USP36: variants seen among roughly 807,000 people sequenced by gnomAD.
USP36 encodes the protein ubiquitin specific peptidase 36, also known as ubiquitin carboxyl-terminal hydrolase 36.
In USP36, 59 loss-of-function variants were observed where a neutral mutation model predicts 111.5. The ratio of observed to expected loss-of-function variants is 0.53; its 90% confidence interval spans 0.43 to 0.66. USP36 has a LOEUF of 0.66. USP36 is among the 30% of genes least tolerant of loss of function. The pLI, the probability that USP36 is intolerant of heterozygous loss-of-function variation, is 0.00. For missense variants in USP36, 1,488 were observed against 1,468.0 expected (o/e 1.01, Z -0.22); for synonymous variants, 628 against 581.0 (o/e 1.08, Z -1.16).
downstream of USP36, among the ~76,000 whole-genome samples, chr17:78,792,877 A>G (rs2093594870): frequency 2.0e-5 from 3 of 152,052 alleles, no homozygotes; most frequent in African/African-American, 7.2e-5. Flanking sequence ...GGCCAAGCCC[A>G]GCTAATTTTT....
At chr17:78,818,571 A>AGCAGCTATCAAACTC (rs2094242246) in intron 10 of USP36, 96 bp downstream of exon 10, 1 of 1,040,574 alleles carries the variant, frequency 9.6e-7, no homozygotes, top group South Asian at 1.3e-5. Context: ...CTGTGTAAAC[A>AGCAGCTATCAAACTC]GCAGCTATCA....
chr17:78,816,128 T>C (rs2094182335), intron 10 of USP36, among the ~76,000 whole-genome samples: 1 of 152,078 alleles, frequency 6.6e-6, no homozygotes, highest in African/African-American at 2.4e-5. Context: ...TACAGACGTG[T>C]GTTTAGGAAC....
Position 78,830,509 on chromosome 17 carries a change from A to G in USP36, c.476-1502T>C, listed in dbSNP as rs552262357. ...TGAGCACATGGGTCAGTTTCTCTAA[A>G]GTACACGCTCAGAAGACAAATTTCT... On this transcript the variant is annotated intron_variant, in intron 4 of 20. Transcript: ENST00000449938. Among the ~76,000 whole-genome samples the G allele has an allele frequency of 5.2e-4, 79 of 152,342 alleles. 1 individual carries two copies. The highest frequency in any genetic ancestry group is 9.8e-4 in the Non-Finnish European group (67 of 68,028).
chr17:78,838,501 C>T (rs2068926849), intron 2 of USP36, 86 bp downstream of exon 2: 1 of 137,314 alleles, frequency 7.3e-6, no homozygotes, highest in African/African-American at 3.6e-5. Context: ...TTATCAAAGA[C>T]TTCTCACCAA....
chr17:78,835,141 T>C (rs1173539617), intron 4 of USP36, 139 bp downstream of exon 4: 1 of 877,024 alleles, frequency 1.1e-6, no homozygotes, highest in Non-Finnish European at 1.7e-6. Flanking sequence ...TGATTCAAAT[T>C]TAGGTTTCAT....
At chr17:78,813,634 G>A in intron 12 of USP36, 139 bp downstream of exon 12, 1 of 722,756 alleles carries the variant, frequency 1.4e-6, no homozygotes, top group Non-Finnish European at 2.3e-6. Flanking sequence ...CTTCCCTGTG[G>A]ACGGTCTCTA....
At chr17:78,833,439 G>A (rs2068339684) in intron 4 of USP36, among the ~76,000 whole-genome samples, 1 of 152,002 alleles carries the variant, frequency 6.6e-6, no homozygotes, top group Non-Finnish European at 1.5e-5. Context: ...GAGCCACCGT[G>A]CCCAGCCAGT....
At chr17:78,799,566 G>T in intron 18 of USP36, 101 bp downstream of exon 18, 2 of 1,070,228 alleles carry the variant, frequency 1.9e-6, no homozygotes, top group Non-Finnish European at 2.8e-6. Context: ...AGCGATGCCC[G>T]CCCGCCACAC....
chr17:78,818,743 G>T lies in USP36; in HGVS notation c.947C>A (p.Thr316Asn), dbSNP rs367589918. Residue 316 changes from threonine (T) to asparagine (N), a missense_variant, in exon 10 of 21, where the codon ACC becomes AAC. This residue lies in a region of USP36 where 196 missense variants were observed against 264.4 expected (regional missense o/e 0.74). Coordinates refer to ENST00000449938, the MANE Select transcript of USP36 (RefSeq NM_001385174.1). Reference sequence around the variant, plus strand: ...TAAGACGTTGGATGTTCTGTGGATGGTGAAGCGCTTGCTGGCTGGAACCTT... The same window carrying T: ...TAAGACGTTGGATGTTCTGTGGATGTTGAAGCGCTTGCTGGCTGGAACCTT... ...KKKVPASKRFTIHRTSNVLTL... is the reference protein window; with the variant it reads ...KKKVPASKRFNIHRTSNVLTL... 134 of 1,613,972 alleles carry T rather than the reference G, an allele frequency of 8.3e-5. No individual in the cohort carries two copies. The highest frequency in any genetic ancestry group is 2.8e-4 in the Admixed American group (17 of 60,004).
At chr17:78,837,510 G>T (rs1227274236) in intron 2 of USP36, among the ~76,000 whole-genome samples, 1 of 152,052 alleles carries the variant, frequency 6.6e-6, no homozygotes, top group African/African-American at 2.4e-5. Context: ...GTGCTTTAGA[G>T]CTTGCTACAT....
intron 6 of USP36, 102 bp from the exon 7 acceptor site, chr17:78,822,106 T>C (rs1395415786): frequency 2.2e-6 from 3 of 1,394,534 alleles, no homozygotes; most frequent in African/African-American, 2.9e-5. Flanking sequence ...AAGCTCAGCG[T>C]GAGGCTGGGA....
intron 10 of USP36, among the ~76,000 whole-genome samples, chr17:78,817,752 GAGAAAAA>G (rs1284185177): frequency 1.3e-4 from 19 of 149,926 alleles, no homozygotes; most frequent in Non-Finnish European, 2.7e-4. Context: ...AAAAAAAAAA[GAGAAAAA>G]AGAAAAAAGA....
chr17:78,801,861 T>C (rs1011195725), intron 17 of USP36, among the ~76,000 whole-genome samples: 5 of 152,334 alleles, frequency 3.3e-5, no homozygotes, highest in African/African-American at 1.2e-4. Context: ...TTAAAGTTCA[T>C]GTGCACTGTA....
chr17:78,815,259 G>A (rs1012937412), intron 10 of USP36, among the ~76,000 whole-genome samples: 1 of 151,982 alleles, frequency 6.6e-6, no homozygotes, highest in Non-Finnish European at 1.5e-5. Context: ...TTGAAACCAG[G>A]AGGTGGAGGT....
At chr17:78,827,023 A>C (rs1276269608) in intron 6 of USP36, 1 of 679,066 alleles carries the variant, frequency 1.5e-6, no homozygotes, top group African/African-American at 1.8e-5. Context: ...GCCGCCCCGG[A>C]CCAGCAGGAC....
chr17:78,799,298 G>T (rs2093684273), intron 18 of USP36, among the ~76,000 whole-genome samples: 1 of 152,196 alleles, frequency 6.6e-6, no homozygotes, highest in Admixed American at 6.5e-5. Flanking sequence ...GAGGAACAAA[G>T]ATGTCATGTT....
At position 78,802,478 on chromosome 17, in the gene USP36, C is replaced by A; in HGVS notation, c.2868G>T (p.Lys956Asn). 1 of 1,609,436 alleles carries A rather than the reference C, an allele frequency of 6.2e-7. No homozygotes were observed. The change falls in exon 17 of 21, where the codon AAG becomes AAT. Residue 956 changes from lysine (K) to asparagine (N), a missense_variant. By Grantham distance (94) the Lys-to-Asn change is moderately conservative. Transcript: ENST00000449938. ...PEAMEESPRK[K>N]KKKKRKQETQ... ...TCTCCTGCTTTCTTTTTTTCTTTTT[C>A]TTTTTCCTTGGAGACTCTTCCATGG...
chr17:78,833,103 G>A (rs1297772204), intron 4 of USP36, among the ~76,000 whole-genome samples: 1 of 151,918 alleles, frequency 6.6e-6, no homozygotes, highest in African/African-American at 2.4e-5. Context: ...AGCCGAGATT[G>A]CACCACTGCA....
intron 6 of USP36, chr17:78,826,558 C>A (rs2067559592): frequency 6.5e-6 from 1 of 152,914 alleles, no homozygotes; most frequent in South Asian, 2.0e-4. Context: ...CTCTAAAGAA[C>A]ATTCTAGGTA....
Sources: allele counts gnomAD v4.1 joint callset (sites outside exome capture counted in the v4.1 genomes callset), GRCh38; gene constraint gnomAD v4.1.1; regional missense constraint gnomAD v4.1.1; transcripts MANE v1.5; gene names NCBI Gene and HGNC (gene_info 2026-07-23, HGNC 2026-07-21).